Variants in NCAM1 observed in about 807,000 individuals in gnomAD.
NCAM1 encodes antigen recognized by monoclonal antibody 5.1H11.
A neutral mutation model predicts 109.8 loss-of-function variants in NCAM1; 14 were observed. The ratio of observed to expected loss-of-function variants is 0.13; its 90% CI spans 0.08 to 0.20. The LOEUF is 0.20. Ranked by LOEUF, NCAM1 falls within the 10% of genes least tolerant of loss-of-function variation. The probability of loss-of-function intolerance (pLI) is 1.00; values close to 1 mark genes in which losing one functional copy is unlikely to be tolerated. For synonymous variants in NCAM1, 418 were observed against 442.9 expected, an observed-to-expected ratio of 0.94 and a Z score of 0.70; for missense variants, 774 against 1,109.9, an observed-to-expected ratio of 0.70 and a Z score of 4.30.
At chr11:113,042,450 T>C (rs2135433178) in intron 1 of NCAM1, among the ~76,000 whole-genome samples, 1 of 152,294 alleles carries the variant, frequency 6.6e-6, no homozygotes, top group South Asian at 2.1e-4. Flanking sequence ...TGACTTCACC[T>C]TACTTTTGTT....
intron 1 of NCAM1, among the ~76,000 whole-genome samples, chr11:113,039,580 GA>G (rs1555079659): frequency 6.6e-6 from 1 of 152,140 alleles, no homozygotes; most frequent in Non-Finnish European, 1.5e-5. Flanking sequence ...TAAGTTCTGG[GA>G]ATATAGCCTA....
intron 1 of NCAM1, among the ~76,000 whole-genome samples, chr11:113,183,165 C>T (rs539948266): frequency 6.6e-6 from 1 of 152,248 alleles, no homozygotes; most frequent in Admixed American, 6.5e-5. Flanking sequence ...CAGAACAAAA[C>T]CCCTGGTTTT....
Position 113,047,492 on chromosome 11 carries a change from C to T in NCAM1, c.52+85828C>T, listed in dbSNP as rs146831101. On this transcript the variant is annotated intron_variant, in intron 1 of 19. Transcript: ENST00000316851. ...GGTTGGAGGCAAAAATTAAGTTGTA[C>T]GTATAGTCTCAGAACAATTTCCCTG... 8.8e-3 allele frequency among the ~76,000 whole-genome samples: 1,339 copies of T among 152,262 alleles called. 12 individuals are homozygous for T. The highest frequency in any genetic ancestry group is 0.015 in the Non-Finnish European group (1,048 of 68,018).
intron 14 of NCAM1, among the ~76,000 whole-genome samples, chr11:113,239,456 AGATT>A (rs1945262302): frequency 6.7e-6 from 1 of 150,194 alleles, no homozygotes; most frequent in African/African-American, 2.4e-5. Context: ...GAAGCAAAAT[AGATT>A]ATTTCTTTTT....
rs541558924 is a variant in NCAM1, at chr11:113,228,145, C to G, written c.1090-3500C>G. Reference sequence around the variant, plus strand: ...GTAGGAAAAGAGGAAGTCAAATTGTCCCTGTTTGCAGATGACATGATTGTG... The same window carrying G: ...GTAGGAAAAGAGGAAGTCAAATTGTGCCTGTTTGCAGATGACATGATTGTG... On this transcript the variant is annotated intron_variant, in intron 9 of 19. Coordinates refer to ENST00000316851, the MANE Select transcript of NCAM1 (RefSeq NM_181351.5). Among the ~76,000 whole-genome samples the G allele has an allele frequency of 4.6e-5, 7 of 152,312 alleles. No individual in the cohort carries two copies. The South Asian group carries it at 1.5e-3, about 32-fold the overall frequency.
chr11:113,207,127 C>A, intron 5 of NCAM1, 134 bp from the exon 6 acceptor site: 1 of 633,302 alleles, frequency 1.6e-6, no homozygotes. Flanking sequence ...CAATTCCTGA[C>A]ACTAACTCTG....
rs373441429 is a variant in NCAM1 at position 113,242,920 on chromosome 11, G to A, written c.1826-3448G>A. 1.1e-5 allele frequency: 17 copies of A among 1,609,498 alleles called. No homozygotes were observed. In the African/African-American group the frequency reaches 1.2e-4, roughly 11 times the overall value. On this transcript the variant is annotated intron_variant, in intron 14 of 19. Transcript: ENST00000316851. ...GTAGAGCCGACTTCTAGATTACAGC[G>A]CTGCCTGTTGTTTTCCCTTTTATTA...
chr11:113,063,773 T>C (rs10502165), intron 1 of NCAM1, among the ~76,000 whole-genome samples: 30,036 of 152,132 alleles, frequency 0.2, 3,216 homozygotes, highest in East Asian at 0.46. Context: ...TGGTCCATTA[T>C]AACCCTGTTA....
chr11:113,184,855 G>C (rs1555108584), intron 1 of NCAM1, among the ~76,000 whole-genome samples: 1 of 152,026 alleles, frequency 6.6e-6, no homozygotes, highest in Non-Finnish European at 1.5e-5. Context: ...AAGGGCAGTG[G>C]TGTCCAGTCG....
rs1946394339 is a variant in NCAM1, at chr11:113,276,003, A to C, written c.*616A>C. On this transcript the variant is annotated 3_prime_UTR_variant, in exon 20 of 20. Coordinates refer to ENST00000316851, the MANE Select transcript of NCAM1 (RefSeq NM_181351.5). ...CTCTTATTTTATAGGACGAATGCCA[A>C]ATTGCAGCTTCTGGGGGTAGATCTC... 2.0e-5 allele frequency: 3 copies of C among 152,618 alleles called. No individual in the cohort carries two copies. Among genetic ancestry groups the C allele is most frequent in the Admixed American group, 2.0e-4 (3 of 15,288 alleles). The allele number at this position is 152,618 out of a possible 1,614,324, so 9.5% of individuals were successfully genotyped here.
chr11:113,234,194 C>T (rs1555117820), intron 13 of NCAM1, among the ~76,000 whole-genome samples: 1 of 150,962 alleles, frequency 6.6e-6, no homozygotes, highest in Non-Finnish European at 1.5e-5. Context: ...TTCCTAACTT[C>T]CCTCTGAAAT....
intron 1 of NCAM1, among the ~76,000 whole-genome samples, chr11:113,016,520 G>C (rs1555075293): frequency 6.6e-6 from 1 of 152,194 alleles, no homozygotes; most frequent in African/African-American, 2.4e-5. Flanking sequence ...GCTTAAGACA[G>C]GAATACTTGT....
chr11:112,980,678 G>C (rs1252480095), intron 1 of NCAM1, among the ~76,000 whole-genome samples: 2 of 151,668 alleles, frequency 1.3e-5, no homozygotes, highest in Non-Finnish European at 3.0e-5. Context: ...AAGTTCTTTA[G>C]TGGTGATTTC....
chr11:112,998,869 G>A (rs539376290), intron 1 of NCAM1, among the ~76,000 whole-genome samples: 22 of 152,036 alleles, frequency 1.4e-4, no homozygotes, highest in African/African-American at 4.1e-4. Flanking sequence ...TTGAACTTTT[G>A]GATTCTGCCA....
At chr11:113,026,405 G>A (rs1952547732) in intron 1 of NCAM1, among the ~76,000 whole-genome samples, 1 of 152,168 alleles carries the variant, frequency 6.6e-6, no homozygotes, top group Non-Finnish European at 1.5e-5. Flanking sequence ...GAATGTCTCT[G>A]TCATACACAG....
In NCAM1 at chr11:113,034,324, C is replaced by G. The variant is rs373467300; in HGVS notation, c.52+72660C>G. 2.6e-4 allele frequency among the ~76,000 whole-genome samples: 40 copies of G among 151,818 alleles called. No individual in the cohort carries two copies. The East Asian group carries it at 7.4e-3, about 28-fold the overall frequency. On this transcript the variant is annotated intron_variant, in intron 1 of 19. Coordinates refer to ENST00000316851, the MANE Select transcript of NCAM1 (RefSeq NM_181351.5). ...CCCTTTAGGGGCTGTGAACTTGGTA[C>G]GGAGATTTAAAAGAAAACCCTAAAT... is the stretch of plus-strand genomic sequence containing the variant.
At chr11:113,130,675 T>C (rs1555098177) in intron 1 of NCAM1, 1 of 152,226 alleles carries the variant, frequency 6.6e-6, no homozygotes, top group African/African-American at 2.4e-5. Context: ...TGTTAGTAGT[T>C]TGTAAGCAAC....
chr11:113,010,476 A>G (rs1291701992), intron 1 of NCAM1, among the ~76,000 whole-genome samples: 1 of 152,208 alleles, frequency 6.6e-6, no homozygotes, highest in Non-Finnish European at 1.5e-5. Context: ...ATAGCTGATA[A>G]TAAAACCACC....
intron 1 of NCAM1, chr11:113,197,120 C>A: frequency 5.8e-6 from 1 of 172,672 alleles, no homozygotes; most frequent in Non-Finnish European, 1.3e-5. Context: ...ATGAGAACAG[C>A]ATGGGGGAAA....
Sources: allele counts gnomAD v4.1 joint callset (sites outside exome capture counted in the v4.1 genomes callset), GRCh38; gene constraint gnomAD v4.1.1; transcripts MANE v1.5; gene names NCBI Gene and HGNC (gene_info 2026-07-23, HGNC 2026-07-21).